UNC13B: variants seen among roughly 807,000 people sequenced by gnomAD.
The protein encoded by UNC13B is unc-13 homolog B, also known as protein unc-13 homolog B.
In UNC13B, 144 loss-of-function variants were observed where a neutral mutation model predicts 211.0. The observed-to-expected ratio is 0.68, with a 90% CI of 0.60 to 0.78. The LOEUF is 0.78. Ranked by LOEUF, UNC13B falls within the 30% of genes least tolerant of loss-of-function variation. The pLI, the probability that UNC13B is intolerant of heterozygous loss-of-function variation, is 0.00. For synonymous variants in UNC13B, 709 were observed against 725.8 expected (o/e 0.98, Z 0.37); for missense variants, 1,777 against 2,002.0 (o/e 0.89, Z 2.14).
At chr9:35,242,163 C>A (rs1484909997) in intron 5 of UNC13B, among the ~76,000 whole-genome samples, 1 of 152,006 alleles carries the variant, frequency 6.6e-6, no homozygotes, top group Non-Finnish European at 1.5e-5. Context: ...TACCATTATA[C>A]CATTATTTTT....
Position 35,386,275 on chromosome 9 carries a change from C to T in UNC13B, c.11076C>T (p.Tyr3692=), listed in dbSNP as rs139472092. The stretch of plus-strand genomic sequence containing the variant: ...TCTTCAACAACTGCCACGACTTATA[C>T]AGCCGCCAGTACCAGCTGGTAAGAG... ...EYIFNNCHDL[Y]SRQYQLKQEL... is the part of the protein sequence containing the mutation. The change falls in exon 24 of 40, where the codon TAC becomes TAT. Residue 3692 remains tyrosine (Y), a synonymous_variant. Transcript: ENST00000635942. 1.8e-4 allele frequency: 286 copies of T among 1,613,928 alleles called. No homozygotes were observed. Among genetic ancestry groups the T allele is most frequent in the Non-Finnish European group, 2.3e-4 (266 of 1,179,988 alleles).
At chr9:35,223,583 C>G (rs1824678755) in intron 1 of UNC13B, among the ~76,000 whole-genome samples, 1 of 151,582 alleles carries the variant, frequency 6.6e-6, no homozygotes, top group Non-Finnish European at 1.5e-5. Flanking sequence ...ATATTAGTCC[C>G]TTGTTGGATG....
chr9:35,243,438 G>A (rs1485654528), intron 6 of UNC13B, 74 bp downstream of exon 6: 7 of 1,476,834 alleles, frequency 4.7e-6, no homozygotes, highest in East Asian at 2.3e-5. Flanking sequence ...TGCCCAGGGA[G>A]GGGCCCAAGA....
chr9:35,397,346 A>AC, intron 29 of UNC13B, 36 bp downstream of exon 29: 1 of 1,606,824 alleles, frequency 6.2e-7, no homozygotes, highest in Non-Finnish European at 8.5e-7. Flanking sequence ...CCCCCTTACC[A>AC]CCACCACACT....
chr9:35,293,718 T>G (rs1377833397), intron 7 of UNC13B, among the ~76,000 whole-genome samples: 1 of 152,164 alleles, frequency 6.6e-6, no homozygotes, highest in Admixed American at 6.5e-5. Flanking sequence ...TCTTAATATA[T>G]CATCAGAATG....
chr9:35,268,103 T>G (rs1478294762), intron 7 of UNC13B, among the ~76,000 whole-genome samples: 1 of 152,184 alleles, frequency 6.6e-6, no homozygotes, highest in Middle Eastern at 3.2e-3. Flanking sequence ...CCTGTCTGGC[T>G]CCACTCCCAT....
rs1832447743 is a variant in UNC13B, at chr9:35,347,644, C to G, written c.9415-19303C>G. On this transcript the variant is annotated intron_variant, in intron 11 of 39. Coordinates refer to ENST00000635942, the MANE Select transcript of UNC13B (RefSeq NM_001371189.2). ...AGAGATTCTTGAGTTCAAAGTTCAT[C>G]CCAGGGCAGTGGCTACCAACTCATA... is the stretch of plus-strand genomic sequence containing the variant. Among the ~76,000 whole-genome samples the G allele has an allele frequency of 2.0e-5, 3 of 152,176 alleles. 1 individual carries two copies.
At chr9:35,294,209 C>A (rs576082423) in intron 7 of UNC13B, among the ~76,000 whole-genome samples, 1 of 152,216 alleles carries the variant, frequency 6.6e-6, no homozygotes, top group Middle Eastern at 3.4e-3. Flanking sequence ...TTTCTGTTTC[C>A]GCTGTATAGA....
intron 1 of UNC13B, among the ~76,000 whole-genome samples, chr9:35,198,426 C>T (rs1262677358): frequency 6.6e-6 from 1 of 152,196 alleles, no homozygotes; most frequent in Non-Finnish European, 1.5e-5. Flanking sequence ...GTGATGCTTC[C>T]TGTACAGCCT....
Position 35,376,187 on chromosome 9 carries a change from G to C in UNC13B, c.9775G>C (p.Glu3259Gln). The part of the protein sequence containing the change: ...GIARQGMRCS[E>Q]CGVKCHEKCQ... ...TGCCCGGCAGGGCATGCGCTGCAGC[G>C]AATGTGGAGTCAAGTGCCATGAGAA... Residue 3259 changes from glutamate to glutamine, a missense_variant, in exon 15 of 40, where the codon GAA becomes CAA. Glu to Gln is a conservative substitution (Grantham distance 29, BLOSUM62 2). Transcript: ENST00000635942. The C allele has an allele frequency of 6.2e-7, 1 of 1,614,160 alleles. No individual in the cohort carries two copies. Among genetic ancestry groups the C allele is most frequent in the Non-Finnish European group, 8.5e-7 (1 of 1,180,030 alleles).
At position 35,176,420 on chromosome 9, in the gene UNC13B, C is replaced by T. The variant is rs559021779; in HGVS notation, c.22+14115C>T. Among the ~76,000 whole-genome samples, 64 of 151,974 alleles carry T rather than the reference C, an allele frequency of 4.2e-4. 1 individual carries two copies. In the South Asian group the frequency reaches 7.1e-3, roughly 17 times the overall value. ...AAAATTAGCTGGGCGTGGTGGCAGG[C>T]GCCTGTAATCCCAGCTACTCGGGAC... On this transcript the variant is annotated intron_variant, in intron 1 of 39. Transcript: ENST00000635942.
rs576502502 is a variant in UNC13B at position 35,219,617 on chromosome 9, C to CAA, written c.23-8381_23-8380dup. Among the ~76,000 whole-genome samples the CAA allele has an allele frequency of 1.1e-3, 70 of 65,424 alleles. 1 individual carries two copies. The highest frequency in any genetic ancestry group is 2.7e-3 in the African/African-American group (49 of 17,976). 42.9% of individuals were successfully genotyped at this position (65,424 alleles called of 152,430 possible). On this transcript the variant is annotated intron_variant, in intron 1 of 39. Coordinates refer to ENST00000635942, the MANE Select transcript of UNC13B (RefSeq NM_001371189.2). ...GGGTGACAGAGCAAGACCCTGTGTC[C>CAA]AAAAAAAAAAAAAAAAAAGTAAAGA...
In UNC13B at chr9:35,385,712, G is replaced by A. The variant is rs184788916; in HGVS notation, c.10876-12G>A. ...CTCTGTTCCTTTCTTACATTTGCTT[G>A]ATTTGCAACAGAATAATTTCCCTGC... On this transcript the variant is annotated splice_polypyrimidine_tract_variant and intron_variant, in intron 22 of 39. Coordinates refer to ENST00000635942, the MANE Select transcript of UNC13B (RefSeq NM_001371189.2). The A allele has an allele frequency of 1.6e-5, 25 of 1,590,534 alleles. No homozygotes were observed. The East Asian group carries it at 5.4e-4, about 34-fold the overall frequency.
chr9:35,231,181 T>G lies in UNC13B; in HGVS notation c.114T>G (p.Val38=). ...VQNVKSTTVA[V]RGDQPSWEQD... ...ATGTGAAGAGCACAACTGTAGCAGT[T>G]CGTGGTGATCAGCCTTCCTGGGAAC... The change falls in exon 3 of 40, where the codon GTT becomes GTG. Residue 38 remains valine, a synonymous_variant. Transcript: ENST00000635942. 6.2e-7 allele frequency: 1 copy of G among 1,613,548 alleles called. No homozygotes were observed. Among genetic ancestry groups the G allele is most frequent in the South Asian group, 1.1e-5 (1 of 91,038 alleles).
At chr9:35,184,701 GAAGAAAGA>G (rs57262291) in intron 1 of UNC13B, among the ~76,000 whole-genome samples, 4 of 142,690 alleles carry the variant, frequency 2.8e-5, no homozygotes, top group Middle Eastern at 3.5e-3. Flanking sequence ...GAGGGAGACT[GAAGAAAGA>G]AAGAAAGAAA....
chr9:35,166,049 T>C (rs1301586782), intron 1 of UNC13B, among the ~76,000 whole-genome samples: 3 of 151,956 alleles, frequency 2.0e-5, no homozygotes, highest in Non-Finnish European at 2.9e-5. Flanking sequence ...GTTTATAACA[T>C]AGTTAGATAA....
At chr9:35,258,536 T>G (rs1447413342) in intron 6 of UNC13B, among the ~76,000 whole-genome samples, 1 of 152,210 alleles carries the variant, frequency 6.6e-6, no homozygotes, top group Non-Finnish European at 1.5e-5. Context: ...GTTCCACTTA[T>G]TTCCCATGTG....
intron 32 of UNC13B, 88 bp downstream of exon 32, chr9:35,398,730 C>T: frequency 6.4e-7 from 1 of 1,556,914 alleles, no homozygotes; most frequent in Middle Eastern, 1.7e-4. Flanking sequence ...CTCCATATAG[C>T]TGCAGGTGTG....
At chr9:35,244,966 C>T (rs1487428534) in intron 6 of UNC13B, among the ~76,000 whole-genome samples, 1 of 152,166 alleles carries the variant, frequency 6.6e-6, no homozygotes, top group African/African-American at 2.4e-5. Flanking sequence ...TAACTCTTCT[C>T]ATGTCCACAC....
Sources: gnomAD v4.1 joint callset for allele counts (sites outside exome capture counted in the v4.1 genomes callset) on GRCh38, gnomAD v4.1.1 for gene constraint, MANE v1.5 for transcripts, NCBI Gene and HGNC (gene_info 2026-07-23, HGNC 2026-07-21) for gene names.